Variants in LGR5 observed in about 807,000 individuals in gnomAD.
The protein encoded by LGR5 is leucine-rich repeat-containing G protein-coupled receptor 5.
A neutral mutation model predicts 76.7 loss-of-function variants in LGR5; 54 were observed. That is an observed-to-expected ratio of 0.70 (90% CI 0.57 to 0.88). The LOEUF is 0.88. Ranked by LOEUF, LGR5 falls within the 40% of genes least tolerant of loss-of-function variation. The probability of loss-of-function intolerance (pLI) is 0.00; values close to 1 mark genes in which losing one functional copy is unlikely to be tolerated. For missense variants in LGR5, 1,078 were observed against 1,073.3 expected (o/e 1.00, Z -0.06); for synonymous variants, 406 against 421.9 (o/e 0.96, Z 0.46).
intron 4 of LGR5, among the ~76,000 whole-genome samples, chr12:71,548,000 A>C (rs973063176): frequency 6.6e-6 from 1 of 152,164 alleles, no homozygotes; most frequent in Non-Finnish European, 1.5e-5. Context: ...AAGGACCATA[A>C]AGTGGGTGCT....
intron 4 of LGR5, among the ~76,000 whole-genome samples, chr12:71,544,247 A>T (rs1420998545): frequency 1.4e-5 from 2 of 148,094 alleles, no homozygotes; most frequent in Non-Finnish European, 3.0e-5. Context: ...GGAGAGGGAG[A>T]AAGGGGAAAT....
At chr12:71,533,493 T>C (rs1349917768) in intron 3 of LGR5, among the ~76,000 whole-genome samples, 2 of 152,192 alleles carry the variant, frequency 1.3e-5, no homozygotes, top group African/African-American at 4.8e-5. Context: ...TCCTCAGACC[T>C]ACTAAACCAG....
intron 11 of LGR5, among the ~76,000 whole-genome samples, chr12:71,570,168 G>A (rs1057042404): frequency 1.3e-5 from 2 of 152,094 alleles, no homozygotes; most frequent in African/African-American, 4.8e-5. Context: ...GGGGAGGGTG[G>A]GAAGGGGAAA....
At chr12:71,577,886 A>G in intron 13 of LGR5, 39 bp from the exon 14 acceptor site, 3 of 1,191,142 alleles carry the variant, frequency 2.5e-6, no homozygotes, top group Non-Finnish European at 2.5e-6. Context: ...CATGTTCTTT[A>G]TTCTATATAA....
At chr12:71,445,762 T>C (rs1203545353) in intron 1 of LGR5, among the ~76,000 whole-genome samples, 1 of 151,744 alleles carries the variant, frequency 6.6e-6, no homozygotes, top group Non-Finnish European at 1.5e-5. Context: ...CTAGTGGTAA[T>C]GCTAAAAGGC....
chr12:71,532,868 T>G (rs1876394110), intron 3 of LGR5, among the ~76,000 whole-genome samples: 1 of 151,866 alleles, frequency 6.6e-6, no homozygotes, highest in Non-Finnish European at 1.5e-5. Flanking sequence ...GCAACCACTC[T>G]CACTTCCCCA....
intron 16 of LGR5, 115 bp downstream of exon 16, chr12:71,580,538 G>A: frequency 2.8e-6 from 3 of 1,064,336 alleles, no homozygotes; most frequent in Non-Finnish European, 4.1e-6. Context: ...GCACACACCT[G>A]TAATCCCAAC....
chr12:71,512,208 C>A (rs1875191804), intron 2 of LGR5, among the ~76,000 whole-genome samples: 1 of 152,126 alleles, frequency 6.6e-6, no homozygotes, highest in Non-Finnish European at 1.5e-5. Context: ...CCAGGCTGGT[C>A]TCGAACTCCT....
chr12:71,466,149 A>C (rs1348168700), intron 1 of LGR5, among the ~76,000 whole-genome samples: 1 of 152,256 alleles, frequency 6.6e-6, no homozygotes, highest in Non-Finnish European at 1.5e-5. Context: ...TGCTATGAGG[A>C]TTATCCATTG....
intron 1 of LGR5, among the ~76,000 whole-genome samples, chr12:71,485,290 T>C: frequency 6.6e-6 from 1 of 152,032 alleles, no homozygotes; most frequent in East Asian, 1.9e-4. Flanking sequence ...TGAAACACAA[T>C]AAAATTTTAA....
At chr12:71,506,651 C>G (rs1217048386) in intron 2 of LGR5, among the ~76,000 whole-genome samples, 1 of 152,152 alleles carries the variant, frequency 6.6e-6, no homozygotes, top group East Asian at 1.9e-4. Context: ...CCTTTAAAGA[C>G]TATTCATTCC....
In LGR5 at chr12:71,439,940, G is replaced by T; in HGVS notation, c.-141G>T. The T allele has an allele frequency of 1.4e-6, 1 of 724,916 alleles. No homozygotes were observed. The allele number at this position is 724,916 out of a possible 1,614,324, so 44.9% of individuals were successfully genotyped here. A position where few individuals can be genotyped will look rare whatever the true frequency, so the allele number is the denominator to read the frequency against. ...TTCTCCTCGCCGCCCACGCCGTGGG[G>T]TCAGGAACGCGGCGTCTGGCGCTGC... On this transcript the variant is annotated 5_prime_UTR_variant, in exon 1 of 18. Coordinates refer to ENST00000266674, the MANE Select transcript of LGR5 (RefSeq NM_003667.4).
At chr12:71,549,649 C>A (rs1001632489) in intron 4 of LGR5, among the ~76,000 whole-genome samples, 4 of 151,996 alleles carry the variant, frequency 2.6e-5, no homozygotes, top group African/African-American at 9.7e-5. Flanking sequence ...GAACAATATA[C>A]CTGAATTAGG....
At position 71,567,710 on chromosome 12, in the gene LGR5, C is replaced by T. The variant is rs146398819; in HGVS notation, c.1070+798C>T. 7.5e-3 allele frequency among the ~76,000 whole-genome samples: 1,146 copies of T among 152,238 alleles called. 5 individuals carry two copies. Among genetic ancestry groups the T allele is most frequent in the Middle Eastern group, 0.017 (5 of 294 alleles). On this transcript the variant is annotated intron_variant, in intron 11 of 17. Transcript: ENST00000266674. ...GGGAATGGCTGCCTCTGTGATTCTG[C>T]CTTTCCCCAGCCCCAGCCTGCCGTG...
At chr12:71,543,273 C>A (rs1876977640) in intron 4 of LGR5, among the ~76,000 whole-genome samples, 2 of 152,338 alleles carry the variant, frequency 1.3e-5, no homozygotes, top group Admixed American at 1.3e-4. Flanking sequence ...TCCCACATGC[C>A]TTTCCTGGGC....
At chr12:71,568,943 A>G (rs1382019426) in intron 11 of LGR5, among the ~76,000 whole-genome samples, 1 of 152,202 alleles carries the variant, frequency 6.6e-6, no homozygotes, top group Non-Finnish European at 1.5e-5. Context: ...GTCATTTCAT[A>G]TTGTATGGGT....
Position 71,439,948 on chromosome 12 carries a change from C to G in LGR5, c.-133C>G. The G allele has an allele frequency of 5.2e-6, 4 of 766,350 alleles. No homozygotes were observed. The highest frequency in any genetic ancestry group is 1.8e-5 in the South Asian group (1 of 54,268). 47.5% of individuals were successfully genotyped at this position (766,350 alleles called of 1,614,324 possible). A position where few individuals can be genotyped will look rare whatever the true frequency, so the allele number is the denominator to read the frequency against. Reference sequence around the variant, plus strand: ...GCCGCCCACGCCGTGGGGTCAGGAACGCGGCGTCTGGCGCTGCAGACGCCC... The same window carrying G: ...GCCGCCCACGCCGTGGGGTCAGGAAGGCGGCGTCTGGCGCTGCAGACGCCC... On this transcript the variant is annotated 5_prime_UTR_variant, in exon 1 of 18. Transcript: ENST00000266674.
intron 1 of LGR5, among the ~76,000 whole-genome samples, chr12:71,477,217 C>T (rs1331571302): frequency 6.6e-6 from 1 of 152,052 alleles, no homozygotes; most frequent in Non-Finnish European, 1.5e-5. Flanking sequence ...ACTGTCTCCT[C>T]ACCACCCGTT....
At chr12:71,454,710 C>T (rs1872390129) in intron 1 of LGR5, among the ~76,000 whole-genome samples, 1 of 151,928 alleles carries the variant, frequency 6.6e-6, no homozygotes, top group Admixed American at 6.6e-5. Context: ...GTGGAGCTGG[C>T]TCACCCCATG....
Sources: allele counts gnomAD v4.1 joint callset (sites outside exome capture counted in the v4.1 genomes callset), GRCh38; gene constraint gnomAD v4.1.1; transcripts MANE v1.5; gene names NCBI Gene and HGNC (gene_info 2026-07-23, HGNC 2026-07-21).